CHST11: variants seen among roughly 807,000 people sequenced by gnomAD.
The protein encoded by CHST11 is C4S-1.
Under a neutral mutation model 30.4 loss-of-function variants are expected in CHST11, and 9 were observed. That is an observed-to-expected ratio of 0.30 (90% CI 0.18 to 0.52). CHST11 has a LOEUF of 0.52. Among genes scored for constraint, CHST11 ranks in the 20% least tolerant of loss-of-function variants. The probability of loss-of-function intolerance (pLI) is 0.97; values close to 1 mark genes in which losing one functional copy is unlikely to be tolerated. For synonymous variants in CHST11, 152 were observed against 187.8 expected, an observed-to-expected ratio of 0.81 and a Z score of 1.56; for missense variants, 348 against 460.6, an observed-to-expected ratio of 0.76 and a Z score of 2.24.
At chr12:104,686,546 G>T (rs937904558) in intron 2 of CHST11, among the ~76,000 whole-genome samples, 27 of 152,170 alleles carry the variant, frequency 1.8e-4, no homozygotes, top group African/African-American at 6.5e-4. Flanking sequence ...AGGACTTCTG[G>T]ACAAGATTTG....
intron 2 of CHST11, among the ~76,000 whole-genome samples, chr12:104,603,498 CTCTCAAATACTTG>C (rs2038976240): frequency 6.6e-6 from 1 of 152,220 alleles, no homozygotes; most frequent in African/African-American, 2.4e-5. Flanking sequence ...TAACACAGGG[CTCTCAAATACTTG>C]TGATTCAAAA....
chr12:104,728,808 A>T (rs1275836428), intron 2 of CHST11, among the ~76,000 whole-genome samples: 1 of 152,200 alleles, frequency 6.6e-6, no homozygotes, highest in Non-Finnish European at 1.5e-5. Context: ...GGAGAGGATA[A>T]AAAGAAGCCA....
At chr12:104,567,366 G>T (rs1345776951) in intron 1 of CHST11, among the ~76,000 whole-genome samples, 2 of 152,180 alleles carry the variant, frequency 1.3e-5, no homozygotes, top group Non-Finnish European at 2.9e-5. Flanking sequence ...TTCCTAGAGG[G>T]TAGAGAAACA....
intron 2 of CHST11, among the ~76,000 whole-genome samples, chr12:104,627,964 ACT>A (rs2039233891): frequency 6.6e-6 from 1 of 152,110 alleles, no homozygotes; most frequent in Non-Finnish European, 1.5e-5. Context: ...TAAGGCAGAC[ACT>A]CTGTTTGACA....
chr12:104,520,716 A>C (rs1279076625), intron 1 of CHST11, among the ~76,000 whole-genome samples: 2 of 152,072 alleles, frequency 1.3e-5, no homozygotes, highest in African/African-American at 4.8e-5. Context: ...CTGGAGGCTA[A>C]ATCTGTCCCA....
At chr12:104,731,414 A>G (rs1423215614) in intron 2 of CHST11, among the ~76,000 whole-genome samples, 1 of 152,186 alleles carries the variant, frequency 6.6e-6, no homozygotes, top group East Asian at 1.9e-4. Context: ...GCTGAGACCT[A>G]AGAGAGTAAG....
intron 1 of CHST11, among the ~76,000 whole-genome samples, chr12:104,528,564 A>G (rs1267106846): frequency 6.6e-6 from 1 of 152,214 alleles, no homozygotes; most frequent in East Asian, 1.9e-4. Context: ...CTGGGTGGCC[A>G]GTGCTGTTCT....
chr12:104,555,437 G>A (rs771901296), intron 1 of CHST11, among the ~76,000 whole-genome samples: 3 of 152,168 alleles, frequency 2.0e-5, no homozygotes, highest in East Asian at 1.9e-4. Flanking sequence ...TACTTCATTC[G>A]TCTTCTAGAC....
chr12:104,484,902 G>A (rs530804270), intron 1 of CHST11, among the ~76,000 whole-genome samples: 3 of 152,294 alleles, frequency 2.0e-5, no homozygotes, highest in South Asian at 2.1e-4. Context: ...GAGTGGGAAG[G>A]GAGTGAGGCC....
At chr12:104,486,235 T>C (rs2135964093) in intron 1 of CHST11, among the ~76,000 whole-genome samples, 1 of 152,292 alleles carries the variant, frequency 6.6e-6, no homozygotes, top group East Asian at 1.9e-4. Flanking sequence ...AGCAGATGTA[T>C]ACCAGTCACG....
In CHST11 at chr12:104,757,410, G is replaced by A; in HGVS notation, c.666G>A (p.Lys222=). 6.2e-7 allele frequency: 1 copy of A among 1,614,100 alleles called. No homozygotes were observed. The highest frequency in any genetic ancestry group is 1.3e-5 in the African/African-American group (1 of 75,014). Residue 222 remains lysine, a synonymous_variant, in exon 3 of 3, where the codon AAG becomes AAA. Coordinates refer to ENST00000303694, the MANE Select transcript of CHST11 (RefSeq NM_018413.6). This position sits in a 1 kb window ranked among gnomAD's most constrained non-coding sequence, Gnocchi z 6.5. ...YGTKIIKRQR[K]NATQEALRKG... is the part of the protein sequence containing the mutation. ...CCAAGATCATCAAACGCCAGCGGAA[G>A]AACGCCACCCAGGAGGCCCTGCGCA...
At chr12:104,594,328 A>G (rs778468965) in intron 1 of CHST11, among the ~76,000 whole-genome samples, 4 of 152,206 alleles carry the variant, frequency 2.6e-5, no homozygotes, top group Admixed American at 2.6e-4. Flanking sequence ...TTTGGATTCA[A>G]AGAGCTACAG....
chr12:104,567,773 G>A (rs1200448695), intron 1 of CHST11, among the ~76,000 whole-genome samples: 5 of 152,124 alleles, frequency 3.3e-5, no homozygotes, highest in Non-Finnish European at 5.9e-5. Flanking sequence ...AATCCCTAAT[G>A]CAATAGTATT....
intron 2 of CHST11, among the ~76,000 whole-genome samples, chr12:104,723,721 A>G (rs2040195996): frequency 6.6e-6 from 1 of 152,204 alleles, no homozygotes; most frequent in African/African-American, 2.4e-5. Flanking sequence ...TGTGACCCTA[A>G]GTGGCCCTCC....
intron 2 of CHST11, among the ~76,000 whole-genome samples, chr12:104,682,805 A>G (rs2039810412): frequency 2.6e-5 from 4 of 152,236 alleles, no homozygotes; most frequent in Admixed American, 2.6e-4. Flanking sequence ...TGACAGCAGC[A>G]TAGCCCGGCA....
At chr12:104,648,668 G>A (rs1009211974) in intron 2 of CHST11, among the ~76,000 whole-genome samples, 2 of 152,108 alleles carry the variant, frequency 1.3e-5, no homozygotes. Context: ...AAAAAAATTA[G>A]CCAGGTGTGG....
At chr12:104,705,197 G>A (rs1231127368) in intron 2 of CHST11, among the ~76,000 whole-genome samples, 3 of 152,148 alleles carry the variant, frequency 2.0e-5, no homozygotes, top group African/African-American at 7.2e-5. Flanking sequence ...GGGTCACCTG[G>A]TGTATACAGT....
chr12:104,748,672 AG>A (rs1480424205), intron 2 of CHST11, among the ~76,000 whole-genome samples: 1 of 152,178 alleles, frequency 6.6e-6, no homozygotes, highest in Non-Finnish European at 1.5e-5. Context: ...AGGGAACACC[AG>A]CCCCACCCGG....
At chr12:104,503,868 T>C (rs1326292543) in intron 1 of CHST11, among the ~76,000 whole-genome samples, 1 of 152,140 alleles carries the variant, frequency 6.6e-6, no homozygotes, top group Non-Finnish European at 1.5e-5. Flanking sequence ...TGAGGACTTA[T>C]GGGGAGAAAA....
Sources: allele counts gnomAD v4.1 joint callset (sites outside exome capture counted in the v4.1 genomes callset), GRCh38; gene constraint gnomAD v4.1.1; non-coding constraint Gnocchi (gnomAD v3.1); transcripts MANE v1.5; gene names NCBI Gene and HGNC (gene_info 2026-07-23, HGNC 2026-07-21).